Variants in RORB observed in about 807,000 individuals in gnomAD.
RORB encodes the protein RAR related orphan receptor B.
A neutral mutation model predicts 59.1 loss-of-function variants in RORB; 6 were observed. The observed-to-expected ratio is 0.10, with a 90% confidence interval of 0.06 to 0.20. The LOEUF (loss-of-function observed/expected upper bound fraction) is 0.20. Among genes scored for constraint, RORB ranks in the 10% least tolerant of loss-of-function variants. RORB has a pLI of 1.00. For synonymous variants in RORB, 215 were observed against 204.5 expected, an observed-to-expected ratio of 1.05 and a Z score of -0.44; for missense variants, 320 against 560.5, an observed-to-expected ratio of 0.57 and a Z score of 4.33.
intron 1 of RORB, among the ~76,000 whole-genome samples, chr9:74,539,747 G>A (rs1268635436): frequency 6.6e-6 from 1 of 151,966 alleles, no homozygotes; most frequent in Non-Finnish European, 1.5e-5. Context: ...CAGTGAGATG[G>A]GGCCAGCTTT....
At chr9:74,515,375 C>A (rs1047126143) in intron 1 of RORB, among the ~76,000 whole-genome samples, 1 of 151,742 alleles carries the variant, frequency 6.6e-6, no homozygotes, top group African/African-American at 2.4e-5. Context: ...CACTCTATCT[C>A]CTGAGTCTGT....
At chr9:74,588,413 G>T (rs192318974) in intron 1 of RORB, among the ~76,000 whole-genome samples, 50 of 152,222 alleles carry the variant, frequency 3.3e-4, no homozygotes, top group African/African-American at 1.1e-3. Context: ...ACAAAGTCAG[G>T]TCAATGAATT....
In RORB at chr9:74,690,185, A is replaced by G. The variant is rs1048003432; in HGVS notation, c.*4567A>G. The G allele has an allele frequency of 6.6e-6, 1 of 152,222 alleles. No individual in the cohort carries two copies. The highest frequency in any genetic ancestry group is 1.5e-5 in the Non-Finnish European group (1 of 68,036). 9.4% of individuals were successfully genotyped at this position (152,222 alleles called of 1,614,324 possible). A position where few individuals can be genotyped will look rare whatever the true frequency, so the allele number is the denominator to read the frequency against. On this transcript the variant is annotated 3_prime_UTR_variant, in exon 10 of 10. Coordinates refer to ENST00000376896, the MANE Select transcript of RORB (RefSeq NM_006914.4). ...TGATGTTCTGTTTCCAACTGTCAGT[A>G]TAAGCAGCAACTAGAGTAAAGGCCT...
intron 1 of RORB, among the ~76,000 whole-genome samples, chr9:74,567,877 C>T (rs767784197): frequency 6.6e-6 from 1 of 152,142 alleles, no homozygotes; most frequent in Non-Finnish European, 1.5e-5. Flanking sequence ...CACATTTTGA[C>T]GAATTCCAGA....
intron 1 of RORB, among the ~76,000 whole-genome samples, chr9:74,530,685 A>G (rs1826224657): frequency 6.6e-6 from 1 of 151,966 alleles, no homozygotes; most frequent in Admixed American, 6.6e-5. Context: ...TTTCTAATGT[A>G]GGCTAATTGT....
chr9:74,516,193 T>C (rs1826006045), intron 1 of RORB, among the ~76,000 whole-genome samples: 1 of 152,082 alleles, frequency 6.6e-6, no homozygotes, highest in Non-Finnish European at 1.5e-5. Flanking sequence ...GTAGGCTCAT[T>C]GTAAGAGTTA....
intron 1 of RORB, among the ~76,000 whole-genome samples, chr9:74,601,754 G>T (rs2118324825): frequency 6.6e-6 from 1 of 152,238 alleles, no homozygotes; most frequent in Non-Finnish European, 1.5e-5. Flanking sequence ...GAAATAAGGA[G>T]TTGTAGTCAT....
rs548482963 is a variant in RORB, at chr9:74,669,532, T to C, written c.1111+1631T>C. The stretch of plus-strand genomic sequence containing the variant: ...ACTTAAAATATAATAATAAATAATA[T>C]AATCATAATAATATAACAACAATAA... On this transcript the variant is annotated intron_variant, in intron 8 of 9. Coordinates refer to ENST00000376896, the MANE Select transcript of RORB (RefSeq NM_006914.4). Among the ~76,000 whole-genome samples, 3 of 149,564 alleles carry C rather than the reference T, an allele frequency of 2.0e-5. No individual in the cohort carries two copies. The South Asian group carries it at 6.3e-4, about 31-fold the overall frequency.
intron 3 of RORB, among the ~76,000 whole-genome samples, chr9:74,635,622 C>T (rs562837205): frequency 6.6e-6 from 1 of 152,268 alleles, no homozygotes; most frequent in African/African-American, 2.4e-5. Context: ...AAACATCAGG[C>T]TCTGCTTAAA....
At chr9:74,563,185 T>A (rs1207736995) in intron 1 of RORB, among the ~76,000 whole-genome samples, 2 of 125,796 alleles carry the variant, frequency 1.6e-5, no homozygotes, top group Non-Finnish European at 3.3e-5. Flanking sequence ...CTCTTCAGTC[T>A]TTTTTTTTTT....
intron 1 of RORB, among the ~76,000 whole-genome samples, chr9:74,598,639 T>A (rs972582522): frequency 6.6e-6 from 1 of 152,210 alleles, no homozygotes; most frequent in Non-Finnish European, 1.5e-5. Flanking sequence ...CTTAGCAATA[T>A]TGAAGTATAC....
At position 74,573,477 on chromosome 9, in the gene RORB, A is replaced by C. The variant is rs905345462; in HGVS notation, c.8-56805A>C. 6.6e-5 allele frequency among the ~76,000 whole-genome samples: 10 copies of C among 152,072 alleles called. No individual in the cohort carries two copies. The East Asian group carries it at 7.7e-4, about 12-fold the overall frequency. On this transcript the variant is annotated intron_variant, in intron 1 of 9. Coordinates refer to ENST00000376896, the MANE Select transcript of RORB (RefSeq NM_006914.4). Reference sequence around the variant, plus strand: ...AGCTTTTGTTATTAAAAAAAAAAAAAAAAAAAAACTGGGCCTAATGATTGC... The same window carrying C: ...AGCTTTTGTTATTAAAAAAAAAAAACAAAAAAAACTGGGCCTAATGATTGC...
intron 4 of RORB, among the ~76,000 whole-genome samples, chr9:74,650,017 C>A (rs867856811): frequency 5.8e-4 from 89 of 152,158 alleles, no homozygotes; most frequent in African/African-American, 1.8e-3. Flanking sequence ...ACCACCACCA[C>A]CAACAACAAC....
At chr9:74,583,441 A>G (rs1205432791) in intron 1 of RORB, among the ~76,000 whole-genome samples, 1 of 151,908 alleles carries the variant, frequency 6.6e-6, no homozygotes, top group Non-Finnish European at 1.5e-5. Flanking sequence ...CCAAATATTT[A>G]TTATATCCTG....
intron 3 of RORB, among the ~76,000 whole-genome samples, chr9:74,641,940 T>G (rs1823814109): frequency 6.6e-6 from 1 of 151,642 alleles, no homozygotes; most frequent in Non-Finnish European, 1.5e-5. Flanking sequence ...TAAAAAGAAA[T>G]TTGAGAAAGA....
intron 4 of RORB, among the ~76,000 whole-genome samples, chr9:74,655,761 A>G (rs1028014998): frequency 6.6e-6 from 1 of 152,158 alleles, no homozygotes; most frequent in Non-Finnish European, 1.5e-5. Context: ...TGGACATTCA[A>G]GCATCTTTCT....
rs1166759792 is a variant in RORB, at chr9:74,545,328, T to G, written c.7+47345T>G. On this transcript the variant is annotated intron_variant, in intron 1 of 9. Transcript: ENST00000376896. ...AGCACGTTGGTAGTTCTAGTTGGAG[T>G]AAGATTGCGGTGCCTTTTTGTATCC... 3.9e-5 allele frequency among the ~76,000 whole-genome samples: 6 copies of G among 152,218 alleles called. No individual in the cohort carries two copies. The East Asian group carries it at 1.2e-3, about 29-fold the overall frequency.
intron 4 of RORB, among the ~76,000 whole-genome samples, chr9:74,660,316 GAAATATAATAATTTTATATCTTTTTTAT>G (rs1049325423): frequency 2.6e-5 from 4 of 152,032 alleles, no homozygotes; most frequent in Non-Finnish European, 5.9e-5. Flanking sequence ...CAAAAAGCAA[GAAATATAATAATTTTATATCTTTTTTAT>G]AAATAAATAC....
chr9:74,655,157 T>G (rs1400140330), intron 4 of RORB, among the ~76,000 whole-genome samples: 1 of 152,228 alleles, frequency 6.6e-6, no homozygotes, highest in Non-Finnish European at 1.5e-5. Flanking sequence ...TCTGTCTCAC[T>G]GAACACATGT....
Sources: allele counts gnomAD v4.1 joint callset (sites outside exome capture counted in the v4.1 genomes callset), GRCh38; gene constraint gnomAD v4.1.1; transcripts MANE v1.5; gene names NCBI Gene and HGNC (gene_info 2026-07-23, HGNC 2026-07-21).